USP8: variants seen among roughly 807,000 people sequenced by gnomAD.
USP8 encodes the protein ubiquitin carboxyl-terminal hydrolase 8.
Under a neutral mutation model 130.0 loss-of-function variants are expected in USP8, and 27 were observed. That is an observed-to-expected ratio of 0.21 (90% CI 0.15 to 0.29). The LOEUF is 0.29. USP8 is among the 10% of genes least tolerant of loss of function. The pLI, the probability that USP8 is intolerant of heterozygous loss-of-function variation, is 1.00. For missense variants in USP8, 1,029 were observed against 1,312.2 expected (o/e 0.78, Z 3.33); for synonymous variants, 392 against 444.1 (o/e 0.88, Z 1.48).
rs567511396 is a variant in USP8, at chr15:50,456,439, G to A, written c.336-2561G>A. 9.2e-5 allele frequency among the ~76,000 whole-genome samples: 14 copies of A among 152,006 alleles called. No homozygotes were observed. In the East Asian group the frequency reaches 1.7e-3, roughly 19 times the overall value. ...ACAAAAATAAGTAGCTGGCCGTGGT[G>A]GTGGGAGCTTGTCATCCCAGCCACT... is the stretch of plus-strand genomic sequence containing the variant. On this transcript the variant is annotated intron_variant, in intron 4 of 19. Transcript: ENST00000307179.
chr15:50,435,826 T>C (rs957045787), intron 1 of USP8, among the ~76,000 whole-genome samples: 1 of 152,200 alleles, frequency 6.6e-6, no homozygotes, highest in Admixed American at 6.5e-5. Flanking sequence ...TTTTAAAAAG[T>C]ACAGTCTTTC....
At chr15:50,433,058 A>C (rs991754000) in intron 1 of USP8, among the ~76,000 whole-genome samples, 2 of 152,140 alleles carry the variant, frequency 1.3e-5, no homozygotes, top group Non-Finnish European at 2.9e-5. Flanking sequence ...CCTGGCCAAC[A>C]TGGAGAAACC....
At chr15:50,454,648 G>A (rs56396299) in intron 4 of USP8, among the ~76,000 whole-genome samples, 2 of 151,120 alleles carry the variant, frequency 1.3e-5, no homozygotes, top group African/African-American at 2.4e-5. Flanking sequence ...AGAGATAGGG[G>A]TTTACCATGT....
chr15:50,481,610 G>GT lies in USP8; in HGVS notation c.1354dup (p.Ser452PhefsTer9). ...TCCTGATCGTTCCACCAAGCCAGTA[G>GT]TTTTTTCTCCAACTCTCATGTTAAC... On this transcript the variant is annotated frameshift_variant, in exon 11 of 20. Coordinates refer to ENST00000307179, the MANE Select transcript of USP8 (RefSeq NM_005154.5). LOFTEE classifies it high-confidence loss of function. 6.2e-7 allele frequency: 1 copy of GT among 1,614,026 alleles called. No homozygotes were observed. Among genetic ancestry groups the GT allele is most frequent in the Non-Finnish European group, 8.5e-7 (1 of 1,179,996 alleles).
chr15:50,459,123 T>C lies in USP8; in HGVS notation c.459T>C (p.Ser153=), dbSNP rs535707203. ...REDGGTLAKG[S]LENVLDSKDK... is the part of the protein sequence containing the mutation. Reference sequence around the variant, plus strand: ...ATGGTGGCACATTGGCTAAAGGCTCTTTGGAGAATGTTTTGGATTCCAAAG... The same window carrying C: ...ATGGTGGCACATTGGCTAAAGGCTCCTTGGAGAATGTTTTGGATTCCAAAG... Residue 153 remains serine (S), a synonymous_variant, in exon 5 of 20, where the codon TCT becomes TCC. Coordinates refer to ENST00000307179, the MANE Select transcript of USP8 (RefSeq NM_005154.5). 1.9e-6 allele frequency: 3 copies of C among 1,612,162 alleles called. No individual in the cohort carries two copies. In the South Asian group the frequency reaches 3.3e-5, roughly 18 times the overall value.
intron 17 of USP8, among the ~76,000 whole-genome samples, chr15:50,496,648 ATAAGT>A (rs946788059): frequency 1.3e-5 from 2 of 152,178 alleles, no homozygotes; most frequent in African/African-American, 4.8e-5. Flanking sequence ...AAAAAGTTTT[ATAAGT>A]TAATTTGGAA....
chr15:50,441,437 A>C lies in USP8; in HGVS notation c.193A>C (p.Lys65Gln). Reference protein sequence around the residue: ...DEERAYVLYMKYVTVYNLIKK... With the variant: ...DEERAYVLYMQYVTVYNLIKK... ...GGAAAGGGCCTATGTACTATATATG[A>C]AATACGTGACTGTTTATAATCTTAT... Residue 65 changes from lysine (K) to glutamine (Q), a missense_variant, in exon 3 of 20, where the codon AAA becomes CAA. Coordinates refer to ENST00000307179, the MANE Select transcript of USP8 (RefSeq NM_005154.5). 2 of 1,603,186 alleles carry C rather than the reference A, an allele frequency of 1.2e-6. No homozygotes were observed. Among genetic ancestry groups the C allele is most frequent in the Non-Finnish European group, 8.5e-7 (1 of 1,177,026 alleles).
rs1287419471 is a variant in USP8 at position 50,500,632 on chromosome 15, A to G, written c.*1544A>G. On this transcript the variant is annotated 3_prime_UTR_variant, in exon 20 of 20. Coordinates refer to ENST00000307179, the MANE Select transcript of USP8 (RefSeq NM_005154.5). ...GCTGACTGCTTGTTTTGCAGTGTTC[A>G]GGAAACACCATTTTCCTGGCTCTTA... The G allele has an allele frequency of 2.6e-6, 2 of 783,524 alleles. No homozygotes were observed. Among genetic ancestry groups the G allele is most frequent in the African/African-American group, 1.7e-5 (1 of 57,924 alleles). The allele number at this position is 783,524 out of a possible 1,614,324, so 48.5% of individuals were successfully genotyped here. A position where few individuals can be genotyped will look rare whatever the true frequency, so the allele number is the denominator to read the frequency against.
At chr15:50,446,179 A>G (rs2050435723) in intron 3 of USP8, among the ~76,000 whole-genome samples, 1 of 152,218 alleles carries the variant, frequency 6.6e-6, no homozygotes, top group African/African-American at 2.4e-5. Context: ...AAACCTCAGA[A>G]GCAAACATTT....
At chr15:50,465,258 T>C (rs1276331835) in intron 7 of USP8, 67 bp downstream of exon 7, 4 of 1,497,344 alleles carry the variant, frequency 2.7e-6, no homozygotes, top group Admixed American at 2.2e-5. Flanking sequence ...TTAGTAAATG[T>C]TACTACTTAG....
At chr15:50,435,369 A>G (rs1050435914) in intron 1 of USP8, among the ~76,000 whole-genome samples, 1 of 152,244 alleles carries the variant, frequency 6.6e-6, no homozygotes, top group African/African-American at 2.4e-5. Context: ...AACTGTTTAT[A>G]TAACATTTAC....
intron 4 of USP8, among the ~76,000 whole-genome samples, chr15:50,457,633 C>T (rs2050833749): frequency 6.7e-6 from 1 of 149,042 alleles, no homozygotes; most frequent in Non-Finnish European, 1.5e-5. Flanking sequence ...AAGGCTGAGG[C>T]AGGTGGGTCA....
At chr15:50,447,540 C>T (rs941078806) in intron 3 of USP8, among the ~76,000 whole-genome samples, 1 of 152,010 alleles carries the variant, frequency 6.6e-6, no homozygotes, top group Non-Finnish European at 1.5e-5. Context: ...TGCACCCAGC[C>T]TACTGTTAGT....
intron 1 of USP8, among the ~76,000 whole-genome samples, chr15:50,435,886 G>A (rs911796870): frequency 6.6e-6 from 1 of 152,068 alleles, no homozygotes; most frequent in South Asian, 2.1e-4. Flanking sequence ...TCTTATCCCT[G>A]TACTTTCCCT....
At chr15:50,493,328 T>C (rs1595986267) in intron 15 of USP8, 1 of 520,214 alleles carries the variant, frequency 1.9e-6, no homozygotes, top group African/African-American at 1.9e-5. Context: ...AGTAAGCATT[T>C]TGGTGTAGGG....
At chr15:50,433,885 G>A (rs768156985) in intron 1 of USP8, among the ~76,000 whole-genome samples, 27 of 152,324 alleles carry the variant, frequency 1.8e-4, no homozygotes, top group East Asian at 7.7e-4. Flanking sequence ...GATTACAGGC[G>A]TGAGCCACTG....
At chr15:50,496,924 G>C (rs2052435731) in intron 17 of USP8, 165 bp from the exon 18 acceptor site, 1 of 812,882 alleles carries the variant, frequency 1.2e-6, no homozygotes, top group Admixed American at 3.2e-5. Context: ...TTGTTCACTT[G>C]TCTATGCTTC....
In USP8 at chr15:50,488,891, A is replaced by G. The variant is rs150389041; in HGVS notation, c.1891-910A>G. Among the ~76,000 whole-genome samples, 9 of 151,718 alleles carry G rather than the reference A, an allele frequency of 5.9e-5. No individual in the cohort carries two copies. In the East Asian group the frequency reaches 1.6e-3, roughly 26 times the overall value. ...CCCGGCCAAACCTGGCTAATTTTAA[A>G]AATTTTTTTATAGAGACGGGGTCTG... On this transcript the variant is annotated intron_variant, in intron 12 of 19. Transcript: ENST00000307179.
intron 7 of USP8, among the ~76,000 whole-genome samples, chr15:50,470,082 C>T (rs2051327351): frequency 6.6e-6 from 1 of 152,176 alleles, no homozygotes; most frequent in Non-Finnish European, 1.5e-5. Flanking sequence ...ATCAGCCAGC[C>T]TTGGCCTCCC....
Sources: gnomAD v4.1 joint callset for allele counts (sites outside exome capture counted in the v4.1 genomes callset) on GRCh38, gnomAD v4.1.1 for gene constraint, MANE v1.5 for transcripts, NCBI Gene and HGNC (gene_info 2026-07-23, HGNC 2026-07-21) for gene names.